Variants in ATP5MF observed in about 807,000 individuals in gnomAD.
The protein encoded by ATP5MF is ATP synthase F(0) complex subunit f, mitochondrial.
Under a neutral mutation model 13.8 loss-of-function variants are expected in ATP5MF, and 10 were observed. That is an observed-to-expected ratio of 0.72 (90% CI 0.45 to 1.23). The LOEUF (loss-of-function observed/expected upper bound fraction) is 1.23. Among genes scored for constraint, ATP5MF ranks in the 50% most tolerant of loss-of-function variants. The pLI is 0.00. For synonymous variants in ATP5MF, 40 were observed against 45.8 expected (o/e 0.87, Z 0.51); for missense variants, 122 against 118.2 (o/e 1.03, Z -0.15).
intron 1 of ATP5MF, among the ~76,000 whole-genome samples, chr7:99,461,917 C>T (rs558249614): frequency 1.2e-4 from 18 of 150,900 alleles, no homozygotes; most frequent in African/African-American, 3.4e-4. Flanking sequence ...CTCGGCCCCC[C>T]AAAGTGCTGG....
At chr7:99,464,178 C>A (rs571560417) in intron 1 of ATP5MF, among the ~76,000 whole-genome samples, 1 of 152,366 alleles carries the variant, frequency 6.6e-6, no homozygotes, top group Admixed American at 6.5e-5. Context: ...TCGATTGATC[C>A]TTAGTTCAGA....
At position 99,459,142 on chromosome 7, in the gene ATP5MF, C is replaced by G. The variant is rs771604598; in HGVS notation, c.256+5G>C. The G allele has an allele frequency of 6.2e-7, 1 of 1,610,052 alleles. No homozygotes were observed. The highest frequency in any genetic ancestry group is 1.3e-5 in the African/African-American group (1 of 74,956). ...CTAAAGGCAAGACGCCGCAGAGGCACTCACTGAGATGCTTGTAGGAAAAGG... is the reference window on the plus strand; with the variant it reads ...CTAAAGGCAAGACGCCGCAGAGGCAGTCACTGAGATGCTTGTAGGAAAAGG... On this transcript the variant is annotated splice_donor_5th_base_variant and intron_variant, in intron 3 of 3. Transcript: ENST00000292475.
chr7:99,459,846 C>A, intron 2 of ATP5MF: 1 of 502,730 alleles, frequency 2.0e-6, no homozygotes, highest in Non-Finnish European at 3.5e-6. Flanking sequence ...AAGACAGAGG[C>A]AGACATACTG....
intron 3 of ATP5MF, chr7:99,458,860 CCAAATTTT>C (rs1798462073): frequency 5.6e-6 from 2 of 355,480 alleles, no homozygotes; most frequent in Admixed American, 8.8e-5. Flanking sequence ...GAAAATCGAG[CCAAATTTT>C]CACAGTGTGC....
chr7:99,458,734 C>T (rs1798454104), intron 3 of ATP5MF, among the ~76,000 whole-genome samples: 1 of 152,156 alleles, frequency 6.6e-6, no homozygotes, highest in Non-Finnish European at 1.5e-5. Context: ...CCGACACCTC[C>T]CGCCAATCTC....
rs1264148089 is a variant in ATP5MF, at chr7:99,459,469, C to T, written c.140-206G>A. On this transcript the variant is annotated intron_variant, in intron 2 of 3. Transcript: ENST00000292475. ...CCATAGCCTGAACTATAAGCACATACCAGCTCCTGAACTAGGCCTACCTGG... is the reference window on the plus strand; with the variant it reads ...CCATAGCCTGAACTATAAGCACATATCAGCTCCTGAACTAGGCCTACCTGG... Among the ~76,000 whole-genome samples, 11 of 152,332 alleles carry T rather than the reference C, an allele frequency of 7.2e-5. 1 individual carries two copies. The South Asian group carries it at 1.7e-3, about 23-fold the overall frequency.
intron 1 of ATP5MF, among the ~76,000 whole-genome samples, chr7:99,463,139 C>T (rs1392809877): frequency 6.6e-6 from 1 of 152,184 alleles, no homozygotes; most frequent in Non-Finnish European, 1.5e-5. Flanking sequence ...AATATCCCCA[C>T]CACTTCTTGG....
At chr7:99,460,279 T>G (rs191453506) in intron 1 of ATP5MF, 86 bp from the exon 2 acceptor site, 1 of 1,464,990 alleles carries the variant, frequency 6.8e-7, no homozygotes, top group East Asian at 2.3e-5. Flanking sequence ...GCTTCAACTA[T>G]GCAATAAAGG....
At position 99,463,673 on chromosome 7, in the gene ATP5MF, G is replaced by C. The variant is rs1421109425; in HGVS notation, c.31+2438C>G. 3.3e-5 allele frequency among the ~76,000 whole-genome samples: 5 copies of C among 152,138 alleles called. No individual in the cohort carries two copies. In the East Asian group the frequency reaches 7.7e-4, roughly 23 times the overall value. On this transcript the variant is annotated intron_variant, in intron 1 of 3. Coordinates refer to ENST00000292475, the MANE Select transcript of ATP5MF (RefSeq NM_004889.5). Reference sequence around the variant, plus strand: ...CACCTGCAATTCCAGCTACTTGGGAGGCTGAGGCAGGAGAATCACTTGAAC... The same window carrying C: ...CACCTGCAATTCCAGCTACTTGGGACGCTGAGGCAGGAGAATCACTTGAAC...
chr7:99,464,879 A>T (rs1798785641), intron 1 of ATP5MF, among the ~76,000 whole-genome samples: 1 of 151,702 alleles, frequency 6.6e-6, no homozygotes, highest in Non-Finnish European at 1.5e-5. Flanking sequence ...GAGGCAGCAG[A>T]ATCATTTGAA....
rs150508027 is a variant in ATP5MF, at chr7:99,465,168, A to G, written c.31+943T>C. On this transcript the variant is annotated intron_variant, in intron 1 of 3. Transcript: ENST00000292475. ...CCAGCTACTCGGAGGCTGAGGCTGG[A>G]GAATCGCTTGAACCCAGGAGGCAAA... is the stretch of plus-strand genomic sequence containing the variant. 1.7e-3 allele frequency among the ~76,000 whole-genome samples: 262 copies of G among 152,172 alleles called. 2 individuals are homozygous for G. The highest frequency in any genetic ancestry group is 6.8e-3 in the Middle Eastern group (2 of 294).
rs775231571 is a variant in ATP5MF, at chr7:99,466,100, A to G, written c.31+11T>C. ...GCTCCTGCTTCCACCACGGAGTCCA[A>G]ACAGCCTTACCTGGGGCCGGACACT... On this transcript the variant is annotated intron_variant, in intron 1 of 3. Coordinates refer to ENST00000292475, the MANE Select transcript of ATP5MF (RefSeq NM_004889.5). The G allele has an allele frequency of 3.7e-5, 59 of 1,613,988 alleles. No homozygotes were observed. The highest frequency in any genetic ancestry group is 4.7e-5 in the Non-Finnish European group (55 of 1,179,984).
In ATP5MF at chr7:99,458,371, C is replaced by T; in HGVS notation, c.257-16G>A. The T allele has an allele frequency of 6.9e-6, 11 of 1,604,008 alleles. No homozygotes were observed. Among genetic ancestry groups the T allele is most frequent in the Non-Finnish European group, 9.4e-6 (11 of 1,176,334 alleles). ...CGCTCGTGCTCTGAAGTCAGGAAGG[C>T]AAGATGGTAAGTATCTTAAAAGGTT... On this transcript the variant is annotated splice_polypyrimidine_tract_variant and intron_variant, in intron 3 of 3. Transcript: ENST00000292475.
chr7:99,459,831 T>C, intron 2 of ATP5MF: 1 of 448,076 alleles, frequency 2.2e-6, no homozygotes. Flanking sequence ...TCTTAGGATT[T>C]CTCTAAGACA....
chr7:99,465,495 A>C (rs1798831160), intron 1 of ATP5MF, among the ~76,000 whole-genome samples: 1 of 152,202 alleles, frequency 6.6e-6, no homozygotes, highest in African/African-American at 2.4e-5. Flanking sequence ...ATCAGTGTGC[A>C]CAGCGGGATG....
chr7:99,458,670 G>A (rs1342555711), intron 3 of ATP5MF, among the ~76,000 whole-genome samples: 4 of 152,092 alleles, frequency 2.6e-5, no homozygotes, highest in Non-Finnish European at 5.9e-5. Context: ...GGAGTGAGGT[G>A]GGGGTAGGGG....
In ATP5MF at chr7:99,466,162, T is replaced by C; in HGVS notation, c.-21A>G. On this transcript the variant is annotated 5_prime_UTR_variant, in exon 1 of 4. Transcript: ENST00000292475. ...GCCATTTTGGAGTCCTGGTGTCCGC[T>C]GTGCCGGACCGCGCGAGGGCTGCTG... The C allele has an allele frequency of 6.2e-7, 1 of 1,614,172 alleles. No individual in the cohort carries two copies.
intron 1 of ATP5MF, chr7:99,460,657 C>G (rs1162085409): frequency 2.5e-6 from 1 of 398,932 alleles, no homozygotes; most frequent in African/African-American, 2.1e-5. Flanking sequence ...TCAGGACTGG[C>G]CCTCCTATGT....
At chr7:99,460,872 T>C (rs565480142) in intron 1 of ATP5MF, among the ~76,000 whole-genome samples, 3 of 152,152 alleles carry the variant, frequency 2.0e-5, no homozygotes, top group African/African-American at 7.2e-5. Context: ...CCCGAGCAAG[T>C]ATAATGAAAG....
Sources: gnomAD v4.1 joint callset for allele counts (sites outside exome capture counted in the v4.1 genomes callset) on GRCh38, gnomAD v4.1.1 for gene constraint, MANE v1.5 for transcripts, NCBI Gene and HGNC (gene_info 2026-07-23, HGNC 2026-07-21) for gene names.